The following MEF2C variants were observed in gnomAD, a reference collection of about 807,000 sequenced individuals.
MEF2C encodes the protein myocyte enhancer factor 2C, also known as myocyte-specific enhancer factor 2C.
In MEF2C, 6 loss-of-function variants were observed where a neutral mutation model predicts 50.5. That is an observed-to-expected ratio of 0.12 (90% confidence interval 0.07 to 0.23). MEF2C has a LOEUF of 0.23. Ranked by LOEUF, MEF2C falls within the 10% of genes least tolerant of loss-of-function variation. The probability of loss-of-function intolerance (pLI) is 1.00; values close to 1 mark genes in which losing one functional copy is unlikely to be tolerated. For missense variants in MEF2C, 276 were observed against 605.0 expected (o/e 0.46, Z 5.70); for synonymous variants, 183 against 228.0 (o/e 0.80, Z 1.78).
chr5:88,891,450 T>C (rs533580739), intron 1 of MEF2C, among the ~76,000 whole-genome samples: 1 of 141,016 alleles, frequency 7.1e-6, no homozygotes, highest in South Asian at 2.2e-4. Flanking sequence ...CAGGCTTGAG[T>C]GCAGTGGTGC....
At chr5:88,770,343 T>C (rs1781819685) in intron 3 of MEF2C, among the ~76,000 whole-genome samples, 1 of 152,214 alleles carries the variant, frequency 6.6e-6, no homozygotes, top group African/African-American at 2.4e-5. Context: ...TTATCCTGGG[T>C]CATCAAAATA....
At chr5:88,858,257 C>T (rs1209784764) in intron 1 of MEF2C, among the ~76,000 whole-genome samples, 3 of 152,188 alleles carry the variant, frequency 2.0e-5, no homozygotes, top group Non-Finnish European at 4.4e-5. Context: ...ACATTCAAGC[C>T]TCACCAATCT....
intron 4 of MEF2C, among the ~76,000 whole-genome samples, chr5:88,755,768 T>C (rs564438305): frequency 1.3e-5 from 2 of 152,346 alleles, no homozygotes; most frequent in South Asian, 2.1e-4. Flanking sequence ...GAATATGCTA[T>C]AGAATGTTGG....
At chr5:88,876,541 G>A (rs918389349) in intron 1 of MEF2C, among the ~76,000 whole-genome samples, 2 of 151,832 alleles carry the variant, frequency 1.3e-5, no homozygotes, top group Admixed American at 6.6e-5. Flanking sequence ...TATAAATCGC[G>A]TGTTTATTAA....
chr5:88,787,378 C>T (rs544723703), intron 3 of MEF2C, among the ~76,000 whole-genome samples: 1 of 152,260 alleles, frequency 6.6e-6, no homozygotes, highest in East Asian at 1.9e-4. Flanking sequence ...ACAATGGGCT[C>T]TGACAGCTGT....
chr5:88,840,039 A>G (rs141782511), intron 1 of MEF2C, among the ~76,000 whole-genome samples: 1 of 152,218 alleles, frequency 6.6e-6, no homozygotes, highest in Non-Finnish European at 1.5e-5. Context: ...AACACCGGAT[A>G]TTAATATTGG....
At chr5:88,822,512 A>G (rs985898905) in intron 2 of MEF2C, among the ~76,000 whole-genome samples, 1 of 151,996 alleles carries the variant, frequency 6.6e-6, no homozygotes, top group Non-Finnish European at 1.5e-5. Context: ...GTGTACCTGA[A>G]AATATATAAT....
chr5:88,893,355 G>C (rs1475850877), intron 1 of MEF2C, among the ~76,000 whole-genome samples: 1 of 149,958 alleles, frequency 6.7e-6, no homozygotes, highest in African/African-American at 2.5e-5. Flanking sequence ...CTGTTGCCCA[G>C]GCTGGAGTGC....
At chr5:88,799,472 A>G (rs950640073) in intron 3 of MEF2C, among the ~76,000 whole-genome samples, 1 of 152,256 alleles carries the variant, frequency 6.6e-6, no homozygotes, top group African/African-American at 2.4e-5. Flanking sequence ...TCACATTTAC[A>G]TCCATTTCCA....
At chr5:88,785,187 T>G (rs1790228948) in intron 3 of MEF2C, among the ~76,000 whole-genome samples, 1 of 151,804 alleles carries the variant, frequency 6.6e-6, no homozygotes, top group African/African-American at 2.4e-5. Flanking sequence ...GTGCTGACAT[T>G]TCCACACCCT....
intron 6 of MEF2C, chr5:88,746,582 T>G (rs1769773298): frequency 8.1e-6 from 8 of 985,440 alleles, no homozygotes; most frequent in Non-Finnish European, 7.2e-6. Flanking sequence ...AATGACAATA[T>G]GCAAAATTTG....
rs140739476 is a variant in MEF2C, at chr5:88,849,005, G to A, written c.-142-25075C>T. Among the ~76,000 whole-genome samples, 941 of 151,914 alleles carry A rather than the reference G, an allele frequency of 6.2e-3. 12 individuals are homozygous for A. Among genetic ancestry groups the A allele is most frequent in the African/African-American group, 0.021 (857 of 41,422 alleles). On this transcript the variant is annotated intron_variant, in intron 1 of 10. Transcript: ENST00000504921. ...GTCTCTACTAAAAATACAAAAATTC[G>A]CCGGGCATGGTGGCGCCTGCCTGTA...
chr5:88,750,112 T>G lies in MEF2C; in HGVS notation c.590-995A>C, dbSNP rs190748885. 302 of 848,052 alleles carry G rather than the reference T, an allele frequency of 3.6e-4. No homozygotes were observed. The African/African-American group carries it at 5.4e-3, about 15-fold the overall frequency. The allele number at this position is 848,052 out of a possible 1,614,324, so 52.5% of individuals were successfully genotyped here. On this transcript the variant is annotated intron_variant, in intron 5 of 10. Transcript: ENST00000504921. Reference sequence around the variant, plus strand: ...TAGTGAGAATATCATCTAGATTTTCTAATTGCCTCTAAGTGATACTCTGTA... The same window carrying G: ...TAGTGAGAATATCATCTAGATTTTCGAATTGCCTCTAAGTGATACTCTGTA...
At chr5:88,862,853 AAAG>A (rs1007245752) in intron 1 of MEF2C, among the ~76,000 whole-genome samples, 11 of 152,202 alleles carry the variant, frequency 7.2e-5, no homozygotes, top group African/African-American at 2.2e-4. Flanking sequence ...CAGAGAATGG[AAAG>A]AAGATTAGGT....
intron 3 of MEF2C, among the ~76,000 whole-genome samples, chr5:88,765,315 T>C (rs995211210): frequency 2.6e-5 from 4 of 152,204 alleles, no homozygotes; most frequent in African/African-American, 9.7e-5. Context: ...AATATTATCC[T>C]CAGCTGAGTG....
At chr5:88,876,885 A>G (rs1320170138) in intron 1 of MEF2C, among the ~76,000 whole-genome samples, 2 of 152,012 alleles carry the variant, frequency 1.3e-5, no homozygotes, top group Non-Finnish European at 2.9e-5. Flanking sequence ...TGACAACAAG[A>G]TAGAAGAGGA....
intron 3 of MEF2C, among the ~76,000 whole-genome samples, chr5:88,783,667 G>A (rs1288060872): frequency 1.3e-5 from 2 of 152,028 alleles, no homozygotes; most frequent in Admixed American, 6.6e-5. Flanking sequence ...AAAACAGACA[G>A]TCTAAGTAAT....
At chr5:88,768,780 C>G in intron 3 of MEF2C, 1 of 689,610 alleles carries the variant, frequency 1.5e-6, no homozygotes, top group Non-Finnish European at 1.8e-6. Context: ...CCATTTCACA[C>G]TACGTTAAAA....
At chr5:88,731,359 T>C (rs1235940607) in intron 7 of MEF2C, 1 of 167,458 alleles carries the variant, frequency 6.0e-6, no homozygotes, top group Non-Finnish European at 1.3e-5. Context: ...ATTGTAAAAA[T>C]ACTATGTTAT....
Sources: gnomAD v4.1 joint callset for allele counts (sites outside exome capture counted in the v4.1 genomes callset) on GRCh38, gnomAD v4.1.1 for gene constraint, MANE v1.5 for transcripts, NCBI Gene and HGNC (gene_info 2026-07-23, HGNC 2026-07-21) for gene names.